The following DZIP3 variants were observed in gnomAD, a reference collection of about 807,000 sequenced individuals.
DZIP3 encodes E3 ubiquitin-protein ligase DZIP3.
In DZIP3, 118 loss-of-function variants were observed where a neutral mutation model predicts 162.0. The observed-to-expected ratio is 0.73, with a 90% CI of 0.63 to 0.85. The LOEUF is 0.85. Among genes scored for constraint, DZIP3 ranks in the 40% least tolerant of loss-of-function variants. The pLI is 0.00. For missense variants in DZIP3, 1,331 were observed against 1,407.0 expected, an observed-to-expected ratio of 0.95 and a Z score of 0.86; for synonymous variants, 438 against 458.6, an observed-to-expected ratio of 0.96 and a Z score of 0.57.
intron 8 of DZIP3, 112 bp from the exon 9 acceptor site, chr3:108,632,841 G>A (rs568966729): frequency 4.2e-5 from 22 of 528,378 alleles, no homozygotes; most frequent in Non-Finnish European, 6.0e-5. Flanking sequence ...CAAGTACTTC[G>A]AAAAGGGATA....
chr3:108,631,515 T>C, intron 8 of DZIP3, among the ~76,000 whole-genome samples: 1 of 150,758 alleles, frequency 6.6e-6, no homozygotes, highest in East Asian at 1.9e-4. Context: ...TAGCTGGGAC[T>C]ACAGGCACAC....
intron 1 of DZIP3, among the ~76,000 whole-genome samples, chr3:108,595,674 T>C (rs1000576091): frequency 1.3e-5 from 2 of 152,082 alleles, no homozygotes; most frequent in East Asian, 3.8e-4. Context: ...TGGAAAAATC[T>C]AGAAAGAACA....
At chr3:108,604,125 T>C (rs957940287) in intron 1 of DZIP3, among the ~76,000 whole-genome samples, 2 of 152,242 alleles carry the variant, frequency 1.3e-5, no homozygotes, top group Admixed American at 6.5e-5. Context: ...AATTACCTTT[T>C]AGTAATGGGC....
At chr3:108,603,702 G>C (rs970942070) in intron 1 of DZIP3, among the ~76,000 whole-genome samples, 1 of 152,212 alleles carries the variant, frequency 6.6e-6, no homozygotes, top group Admixed American at 6.6e-5. Context: ...TGTGTTTTAA[G>C]ATATCAGTAG....
At chr3:108,685,275 A>C in intron 27 of DZIP3, among the ~76,000 whole-genome samples, 1 of 152,168 alleles carries the variant, frequency 6.6e-6, no homozygotes, top group East Asian at 1.9e-4. Flanking sequence ...TTTATTAAAA[A>C]CATTAAAATA....
chr3:108,652,415 A>G (rs773355425), intron 18 of DZIP3, among the ~76,000 whole-genome samples: 23 of 151,812 alleles, frequency 1.5e-4, no homozygotes, highest in African/African-American at 3.4e-4. Context: ...ACATCTTCCT[A>G]TATTATCTCA....
intron 26 of DZIP3, among the ~76,000 whole-genome samples, chr3:108,679,645 A>T (rs1576463942): frequency 6.6e-6 from 1 of 152,128 alleles, no homozygotes; most frequent in East Asian, 1.9e-4. Context: ...TGGTACCTAC[A>T]ATGGAAGTAC....
At chr3:108,631,052 C>CACACACACACACACAT (rs1168781519) in intron 8 of DZIP3, among the ~76,000 whole-genome samples, 18 of 102,224 alleles carry the variant, frequency 1.8e-4, no homozygotes, top group Non-Finnish European at 2.7e-4. Context: ...CACACACACA[C>CACACACACACACACAT]ACACTCTCTC....
rs1168740327 is a variant in DZIP3 at position 108,654,188 on chromosome 3, G to A, written c.2077G>A (p.Ala693Thr). Residue 693 changes from alanine (A) to threonine (T), a missense_variant, in exon 19 of 33, where the codon GCA becomes ACA. By Grantham distance (58) the Ala-to-Thr change is moderately conservative. Coordinates refer to ENST00000361582, the MANE Select transcript of DZIP3 (RefSeq NM_014648.4). The stretch of plus-strand genomic sequence containing the variant: ...GGAAGAGCAGTTGAGGAAAGAACAA[G>A]CAAATCCACACTCAGTCAGTAGACT... ...EKEEQLRKEQ[A>T]NPHSVSRLIK... 26 of 1,613,536 alleles carry A rather than the reference G, an allele frequency of 1.6e-5. No homozygotes were observed. The highest frequency in any genetic ancestry group is 2.2e-5 in the Non-Finnish European group (26 of 1,179,716).
At chr3:108,628,113 G>A (rs967557934) in intron 7 of DZIP3, among the ~76,000 whole-genome samples, 1 of 152,106 alleles carries the variant, frequency 6.6e-6, no homozygotes, top group Non-Finnish European at 1.5e-5. Context: ...TCCTGATCTC[G>A]TGATCCGCCC....
intron 2 of DZIP3, among the ~76,000 whole-genome samples, 178 bp downstream of exon 2, chr3:108,605,616 A>G (rs1940306096): frequency 6.6e-6 from 1 of 152,192 alleles, no homozygotes; most frequent in Admixed American, 6.5e-5. Flanking sequence ...TGGGCAGTTC[A>G]CAATAGAGTT....
intron 1 of DZIP3, among the ~76,000 whole-genome samples, chr3:108,594,948 T>TA (rs1449975898): frequency 6.6e-6 from 1 of 152,214 alleles, no homozygotes; most frequent in Non-Finnish European, 1.5e-5. Flanking sequence ...CCATTTCACT[T>TA]AAAAAATGTA....
chr3:108,660,693 C>G (rs1412418983), intron 19 of DZIP3, among the ~76,000 whole-genome samples: 137 of 152,184 alleles, frequency 9.0e-4, no homozygotes, highest in Non-Finnish European at 1.5e-3. Context: ...CCATCAGAGT[C>G]AACAGGCAAC....
chr3:108,637,586 A>AT, intron 12 of DZIP3, 38 bp downstream of exon 12: 1 of 1,559,536 alleles, frequency 6.4e-7, no homozygotes, highest in South Asian at 1.2e-5. Context: ...CCTTTTTTGG[A>AT]ATATGCATAT....
chr3:108,645,956 T>A (rs1052752821), intron 14 of DZIP3, among the ~76,000 whole-genome samples: 2 of 152,206 alleles, frequency 1.3e-5, no homozygotes, highest in Non-Finnish European at 2.9e-5. Flanking sequence ...GAGCACCCAT[T>A]CAATTCAAAG....
At position 108,688,017 on chromosome 3, in the gene DZIP3, A is replaced by G. The variant is rs1226905016; in HGVS notation, c.3191A>G (p.Tyr1064Cys). 2.5e-6 allele frequency: 4 copies of G among 1,613,656 alleles called. No homozygotes were observed. The highest frequency in any genetic ancestry group is 3.3e-5 in the Admixed American group (2 of 60,016). ...TTCTTACGGAAATTGAAGGATGCTT[A>G]TGGAAAATCCTTGTCTGAACTGACA... ...TDFLRKLKDA[Y>C]GKSLSELTFD... Residue 1064 changes from tyrosine to cysteine, a missense_variant, in exon 29 of 33, where the codon TAT becomes TGT. Tyr to Cys is a radical substitution (Grantham distance 194, BLOSUM62 -2). Coordinates refer to ENST00000361582, the MANE Select transcript of DZIP3 (RefSeq NM_014648.4).
At chr3:108,667,334 A>G (rs1576447285) in intron 21 of DZIP3, among the ~76,000 whole-genome samples, 2 of 152,188 alleles carry the variant, frequency 1.3e-5, no homozygotes, top group Non-Finnish European at 2.9e-5. Flanking sequence ...GTATCACTGC[A>G]AATACTACAA....
intron 5 of DZIP3, among the ~76,000 whole-genome samples, chr3:108,622,225 G>T (rs1941386761): frequency 6.6e-6 from 1 of 152,146 alleles, no homozygotes; most frequent in Admixed American, 6.5e-5. Context: ...GTTACCAGAG[G>T]CTGGGAAGGG....
At chr3:108,595,938 A>C (rs1295527769) in intron 1 of DZIP3, among the ~76,000 whole-genome samples, 4 of 152,224 alleles carry the variant, frequency 2.6e-5, no homozygotes, top group Non-Finnish European at 5.9e-5. Flanking sequence ...GCAATGAATC[A>C]AATAGACAAA....
Sources: gnomAD v4.1 joint callset for allele counts (sites outside exome capture counted in the v4.1 genomes callset) on GRCh38, gnomAD v4.1.1 for gene constraint, MANE v1.5 for transcripts, NCBI Gene and HGNC (gene_info 2026-07-23, HGNC 2026-07-21) for gene names.